Variants in PNISR observed in about 807,000 individuals in gnomAD.
The protein encoded by PNISR is PNN interacting serine and arginine rich protein.
In PNISR, 20 loss-of-function variants were observed where a neutral mutation model predicts 93.4. That is an observed-to-expected ratio of 0.21 (90% confidence interval 0.15 to 0.31). The LOEUF (loss-of-function observed/expected upper bound fraction) is 0.31, where lower values mean the gene tolerates loss of function less well. Among genes scored for constraint, PNISR ranks in the 10% least tolerant of loss-of-function variants. The probability of loss-of-function intolerance (pLI) is 1.00; values close to 1 mark genes in which losing one functional copy is unlikely to be tolerated. For synonymous variants in PNISR, 305 were observed against 306.5 expected, an observed-to-expected ratio of 0.99 and a Z score of 0.05; for missense variants, 893 against 985.4, an observed-to-expected ratio of 0.91 and a Z score of 1.25.
chr6:99,425,147 G>A, intron 1 of PNISR, 68 bp downstream of exon 1: 1 of 1,078,160 alleles, frequency 9.3e-7, no homozygotes, highest in South Asian at 4.7e-5. Context: ...TGCTACCTTC[G>A]CCACAGAAAC....
At position 99,409,223 on chromosome 6, in the gene PNISR, C is replaced by T. The variant is rs776924269; in HGVS notation, c.623G>A (p.Arg208His). Residue 208 changes from arginine (R) to histidine (H), a missense_variant, in exon 6 of 12, where the codon CGT (arginine) becomes CAT (histidine). Arg to His is a conservative substitution (Grantham distance 29). Around this residue, in one of 3 missense-constraint regions of PNISR, gnomAD observed 866 missense variants for 935.1 expected, o/e 0.93. Transcript: ENST00000369239. ...RRERPSSFRDRQRSPIALPVK... is the reference protein window; with the variant it reads ...RRERPSSFRDHQRSPIALPVK... ...AGGAAGTGCAATAGGTGAACGCTGA[C>T]GATCCCTGAATGATGATGGCCTTTC... The T allele has an allele frequency of 8.1e-6, 13 of 1,613,826 alleles. No individual in the cohort carries two copies. Among genetic ancestry groups the T allele is most frequent in the South Asian group, 3.3e-5 (3 of 91,078 alleles).
rs537530985 is a variant in PNISR at position 99,400,418 on chromosome 6, CTA to C, written c.*120_*121del. On this transcript the variant is annotated 3_prime_UTR_variant, in exon 12 of 12. Coordinates refer to ENST00000369239, the MANE Select transcript of PNISR (RefSeq NM_032870.4). Reference sequence around the variant, plus strand: ...TATATAGGATTTCTAACATTTAAGACTATGATTATTTATCAAGTACCAAACTG... The same window carrying C: ...TATATAGGATTTCTAACATTTAAGACTGATTATTTATCAAGTACCAAACTG... 1,664 of 1,341,968 alleles carry C rather than the reference CTA, an allele frequency of 1.2e-3. 2 individuals are homozygous for C. The highest frequency in any genetic ancestry group is 1.5e-3 in the Non-Finnish European group (1,552 of 1,028,274). The allele number at this position is 1,341,968 out of a possible 1,614,324, so 83.1% of individuals were successfully genotyped here.
chr6:99,418,720 G>A (rs1191556079), intron 1 of PNISR, among the ~76,000 whole-genome samples: 1 of 152,162 alleles, frequency 6.6e-6, no homozygotes, highest in African/African-American at 2.4e-5. Context: ...AGAAGGTGAT[G>A]GTAAGTTAAG....
intron 9 of PNISR, chr6:99,404,235 C>A: frequency 2.8e-6 from 1 of 360,800 alleles, no homozygotes. Context: ...AAGTGGTAAA[C>A]TAAAAATTGT....
chr6:99,416,755 AT>A (rs1473157670), intron 1 of PNISR, among the ~76,000 whole-genome samples: 1 of 152,212 alleles, frequency 6.6e-6, no homozygotes, highest in African/African-American at 2.4e-5. Context: ...TCATCCACCT[AT>A]TATTAACTTA....
In PNISR at chr6:99,414,667, T is replaced by C. The variant is rs376086919; in HGVS notation, c.-8A>G. 2.5e-4 allele frequency: 388 copies of C among 1,563,000 alleles called. No homozygotes were observed. The highest frequency in any genetic ancestry group is 3.1e-4 in the Non-Finnish European group (355 of 1,141,676). On this transcript the variant is annotated 5_prime_UTR_variant, in exon 3 of 12. Transcript: ENST00000369239. ...TCCTCCTTGATCCCACATCCCTTCT[T>C]TTAAAATATACTTGATTTTCTATCT...
At position 99,402,728 on chromosome 6, in the gene PNISR, A is replaced by G. The variant is rs748123964; in HGVS notation, c.1157-18T>C. 4.0e-6 allele frequency: 6 copies of G among 1,511,536 alleles called. No individual in the cohort carries two copies. The highest frequency in any genetic ancestry group is 5.3e-6 in the Non-Finnish European group (6 of 1,122,468). 93.6% of individuals were successfully genotyped at this position (1,511,536 alleles called of 1,614,324 possible). On this transcript the variant is annotated intron_variant, in intron 10 of 11. Coordinates refer to ENST00000369239, the MANE Select transcript of PNISR (RefSeq NM_032870.4). Reference sequence around the variant, plus strand: ...CAGTCCACCTGTGTGCATAAAGCTCAGTCTATCATATGAAAAAAATTATAC... The same window carrying G: ...CAGTCCACCTGTGTGCATAAAGCTCGGTCTATCATATGAAAAAAATTATAC...
At chr6:99,404,012 A>G (rs1562231538) in intron 9 of PNISR, 130 bp from the exon 10 acceptor site, 1 of 626,518 alleles carries the variant, frequency 1.6e-6, no homozygotes, top group Non-Finnish European at 2.9e-6. Context: ...CATTAAAAAC[A>G]TAACATTCAT....
At chr6:99,414,512 G>A (rs1262640296) in intron 3 of PNISR, 60 bp downstream of exon 3, 1 of 838,178 alleles carries the variant, frequency 1.2e-6, no homozygotes, top group Non-Finnish European at 2.1e-6. Context: ...CCCATCATGT[G>A]TCTTCTACCC....
chr6:99,407,870 G>T (rs1027609852), intron 7 of PNISR, among the ~76,000 whole-genome samples: 3 of 152,156 alleles, frequency 2.0e-5, no homozygotes, highest in African/African-American at 7.2e-5. Flanking sequence ...CAGCTCTCTG[G>T]AATGAAGTGT....
intron 1 of PNISR, among the ~76,000 whole-genome samples, chr6:99,422,895 A>C (rs886724653): frequency 4.5e-5 from 6 of 133,006 alleles, no homozygotes; most frequent in Admixed American, 1.5e-4. Flanking sequence ...AAAAAAAAAA[A>C]AAAACTGGAG....
At position 99,425,110 on chromosome 6, in the gene PNISR, G is replaced by C. The variant is rs577478520; in HGVS notation, c.-112+105C>G. On this transcript the variant is annotated intron_variant, in intron 1 of 11. Coordinates refer to ENST00000369239, the MANE Select transcript of PNISR (RefSeq NM_032870.4). The stretch of plus-strand genomic sequence containing the variant: ...AATGAGGTTCCAGCGGTCGCGCCAA[G>C]CAGCGTACGCAGCCTATTTTAAGTT... 52 of 703,742 alleles carry C rather than the reference G, an allele frequency of 7.4e-5. No homozygotes were observed. In the African/African-American group the frequency reaches 9.0e-4, roughly 12 times the overall value. 43.6% of individuals were successfully genotyped at this position (703,742 alleles called of 1,614,324 possible).
chr6:99,400,689 T>C lies in PNISR; in HGVS notation c.2269A>G (p.Ser757Gly). 2 of 1,613,754 alleles carry C rather than the reference T, an allele frequency of 1.2e-6. No homozygotes were observed. The highest frequency in any genetic ancestry group is 1.3e-5 in the African/African-American group (1 of 75,008). The change falls in exon 12 of 12, where the codon AGT (serine) becomes GGT (glycine). Residue 757 changes from serine (S) to glycine (G), a missense_variant. By Grantham distance (56) the Ser-to-Gly change is moderately conservative. This residue lies in a region of PNISR where 866 missense variants were observed against 935.1 expected (regional missense o/e 0.93). Transcript: ENST00000369239. ...DSKKHSGSDSSGRSSSESPGS... is the reference protein window; with the variant it reads ...DSKKHSGSDSGGRSSSESPGS... The stretch of plus-strand genomic sequence containing the variant: ...GGAGACTCAGAACTGCTCCTTCCAC[T>C]AGAATCAGAGCCTGAATGTTTTTTA...
At position 99,409,195 on chromosome 6, in the gene PNISR, C is replaced by T; in HGVS notation, c.651G>A (p.Val217=). The T allele has an allele frequency of 6.2e-7, 1 of 1,613,732 alleles. No homozygotes were observed. The highest frequency in any genetic ancestry group is 8.5e-7 in the Non-Finnish European group (1 of 1,179,740). Residue 217 remains valine (V), a synonymous_variant, in exon 6 of 12, where the codon GTG becomes GTA. Transcript: ENST00000369239. ...TACCAATTTGTGGAGGCTCCTGCTT[C>T]ACAGGAAGTGCAATAGGTGAACGCT... ...DRQRSPIALP[V]KQEPPQIDAV... is the part of the protein sequence containing the mutation.
Position 99,425,216 on chromosome 6 carries a change from C to T in PNISR, c.-113G>A, listed in dbSNP as rs1026814534. On this transcript the variant is annotated splice_region_variant and 5_prime_UTR_variant, in exon 1 of 12. Transcript: ENST00000369239. Reference sequence around the variant, plus strand: ...GTATAATTGTTCTCCATCACTTACCCACTCTAGTTCGGGAACACCCTTGTC... The same window carrying T: ...GTATAATTGTTCTCCATCACTTACCTACTCTAGTTCGGGAACACCCTTGTC... The T allele has an allele frequency of 4.1e-6, 5 of 1,231,734 alleles. No individual in the cohort carries two copies. The highest frequency in any genetic ancestry group is 3.1e-5 in the African/African-American group (2 of 64,420). 76.3% of individuals were successfully genotyped at this position (1,231,734 alleles called of 1,614,324 possible).
intron 1 of PNISR, among the ~76,000 whole-genome samples, chr6:99,417,072 T>C (rs1025876062): frequency 1.3e-5 from 2 of 152,250 alleles, no homozygotes; most frequent in Non-Finnish European, 2.9e-5. Context: ...ACCAAAAAGC[T>C]TGCTGTGCTT....
chr6:99,399,917 T>C lies in PNISR; in HGVS notation c.*623A>G, dbSNP rs1775259341. ...ATACAAAATTCCAGCTGCCTTTTTA[T>C]AAAAGTACGTTCCTTAGATTAAAAC... On this transcript the variant is annotated 3_prime_UTR_variant, in exon 12 of 12. Transcript: ENST00000369239. 6.6e-6 allele frequency: 1 copy of C among 152,152 alleles called. No homozygotes were observed. Among genetic ancestry groups the C allele is most frequent in the Non-Finnish European group, 1.5e-5 (1 of 68,012 alleles). The allele number at this position is 152,152 out of a possible 1,614,324, so 9.4% of individuals were successfully genotyped here. A position where few individuals can be genotyped will look rare whatever the true frequency, so the allele number is the denominator to read the frequency against.
chr6:99,404,734 A>G, intron 8 of PNISR, 32 bp from the exon 9 acceptor site: 1 of 1,063,124 alleles, frequency 9.4e-7, no homozygotes, highest in Non-Finnish European at 1.5e-6. Context: ...AGTATTTCTA[A>G]TTATTATAGC....
chr6:99,404,801 G>A, intron 8 of PNISR, 99 bp from the exon 9 acceptor site: 1 of 629,728 alleles, frequency 1.6e-6, no homozygotes, highest in Non-Finnish European at 2.8e-6. Flanking sequence ...TTTTTTTTCA[G>A]ACAGTCTCAC....
Sources: gnomAD v4.1 joint callset for allele counts (sites outside exome capture counted in the v4.1 genomes callset) on GRCh38, gnomAD v4.1.1 for gene constraint, gnomAD v4.1.1 regional missense constraint, MANE v1.5 for transcripts, NCBI Gene and HGNC (gene_info 2026-07-23, HGNC 2026-07-21) for gene names.